The following LINGO1 variants were observed in gnomAD, a reference collection of about 807,000 sequenced individuals.
LINGO1 encodes the protein leucine-rich repeat and immunoglobulin-like domain-containing nogo receptor-interacting protein 1.
A neutral mutation model predicts 37.3 loss-of-function variants in LINGO1; 11 were observed. That is an observed-to-expected ratio of 0.29 (90% CI 0.19 to 0.49). The LOEUF (loss-of-function observed/expected upper bound fraction) is 0.49, where lower values mean the gene tolerates loss of function less well. Among genes scored for constraint, LINGO1 ranks in the 20% least tolerant of loss-of-function variants. LINGO1 has a pLI of 0.99. For missense variants in LINGO1, 585 were observed against 878.2 expected (o/e 0.67, Z 4.22); for synonymous variants, 387 against 403.0 (o/e 0.96, Z 0.48).
rs928582428 is a variant in LINGO1, at chr15:77,641,371, C to T, written c.-12-25471G>A. 4.5e-4 allele frequency among the ~76,000 whole-genome samples: 68 copies of T among 152,304 alleles called. 1 individual carries two copies. The highest frequency in any genetic ancestry group is 6.2e-4 in the South Asian group (3 of 4,828). On this transcript the variant is annotated intron_variant, in intron 3 of 3. Transcript: ENST00000559893. Reference sequence around the variant, plus strand: ...CGGTGCATGTAATTATGTGCAAAAACGAAGGAGGGCTCCTTAATAATTGAT... The same window carrying T: ...CGGTGCATGTAATTATGTGCAAAAATGAAGGAGGGCTCCTTAATAATTGAT...
chr15:77,768,937 C>G (rs2076556951), intron 1 of LINGO1, among the ~76,000 whole-genome samples: 1 of 152,232 alleles, frequency 6.6e-6, no homozygotes, highest in Non-Finnish European at 1.5e-5. Context: ...CAGCCCACTG[C>G]AGCCCCATCA....
intron 1 of LINGO1, among the ~76,000 whole-genome samples, chr15:77,797,842 G>C (rs1168887657): frequency 6.6e-6 from 1 of 152,258 alleles, no homozygotes; most frequent in Non-Finnish European, 1.5e-5. Context: ...GTCCCTCCCA[G>C]AATCAACATT....
chr15:77,618,981 A>G (rs1595987101), intron 1 of LINGO1, among the ~76,000 whole-genome samples: 1 of 152,172 alleles, frequency 6.6e-6, no homozygotes, highest in Admixed American at 6.5e-5. Context: ...CAGAAAAATT[A>G]TGCTACAAGA....
intron 1 of LINGO1, among the ~76,000 whole-genome samples, chr15:77,785,453 A>C (rs1411939269): frequency 6.6e-6 from 1 of 152,038 alleles, no homozygotes; most frequent in Non-Finnish European, 1.5e-5. Flanking sequence ...CCTATGCTAA[A>C]TCCTGCCCCT....
At chr15:77,718,415 C>T (rs1448151697) in intron 2 of LINGO1, among the ~76,000 whole-genome samples, 2 of 150,958 alleles carry the variant, frequency 1.3e-5, no homozygotes, top group African/African-American at 4.8e-5. Flanking sequence ...TATACACACA[C>T]GTGTCAACAT....
intron 3 of LINGO1, among the ~76,000 whole-genome samples, chr15:77,654,316 A>G (rs1349561940): frequency 6.6e-6 from 1 of 152,212 alleles, no homozygotes; most frequent in East Asian, 1.9e-4. Context: ...CTCCAGTGCC[A>G]CTATTTTCTG....
At chr15:77,765,059 A>T (rs60602435) in intron 1 of LINGO1, among the ~76,000 whole-genome samples, 1 of 152,154 alleles carries the variant, frequency 6.6e-6, no homozygotes, top group African/African-American at 2.4e-5. Context: ...AAAGAAGAGG[A>T]AACAGCAACA....
At chr15:77,808,711 ATC>A (rs1488571680) in intron 1 of LINGO1, among the ~76,000 whole-genome samples, 1 of 152,104 alleles carries the variant, frequency 6.6e-6, no homozygotes, top group African/African-American at 2.4e-5. Context: ...AAGTCCCTCA[ATC>A]TCTCTGAGCC....
At chr15:77,702,778 C>A (rs914318536) in intron 2 of LINGO1, among the ~76,000 whole-genome samples, 2 of 152,222 alleles carry the variant, frequency 1.3e-5, no homozygotes, top group African/African-American at 4.8e-5. Context: ...AATCCCTGAT[C>A]CTATCTAAAC....
chr15:77,816,195 T>C (rs905405619), intron 1 of LINGO1, among the ~76,000 whole-genome samples: 3 of 152,190 alleles, frequency 2.0e-5, no homozygotes, highest in Non-Finnish European at 2.9e-5. Context: ...TGGGTCCAAA[T>C]CTGTTTCCCC....
chr15:77,804,585 G>A (rs759538020), intron 1 of LINGO1, among the ~76,000 whole-genome samples: 43 of 152,168 alleles, frequency 2.8e-4, no homozygotes, highest in Non-Finnish European at 3.8e-4. Flanking sequence ...TCTTACACCC[G>A]GGGCTAGACA....
intron 1 of LINGO1, among the ~76,000 whole-genome samples, chr15:77,783,096 C>T (rs1445740041): frequency 6.6e-6 from 1 of 152,174 alleles, no homozygotes; most frequent in Non-Finnish European, 1.5e-5. Context: ...TCAGAGAGGC[C>T]TGCCTGGATG....
intron 2 of LINGO1, among the ~76,000 whole-genome samples, chr15:77,708,508 T>C (rs745766828): frequency 9.2e-5 from 14 of 152,234 alleles, no homozygotes; most frequent in African/African-American, 3.1e-4. Flanking sequence ...AACCTCAGAA[T>C]GTGACCTTAT....
rs540305846 is a variant in LINGO1, at chr15:77,754,945, G to A, written c.-256-19892C>T. Reference sequence around the variant, plus strand: ...CTCCAGCTCCCAACGCTGTTGTGAAGCTTGAGGCAGGCCATGCAGGTAAGA... The same window carrying A: ...CTCCAGCTCCCAACGCTGTTGTGAAACTTGAGGCAGGCCATGCAGGTAAGA... On this transcript the variant is annotated intron_variant, in intron 1 of 3. Transcript: ENST00000561686. Among the ~76,000 whole-genome samples, 16 of 152,374 alleles carry A rather than the reference G, an allele frequency of 1.1e-4. No homozygotes were observed. The South Asian group carries it at 2.3e-3, about 22-fold the overall frequency.
Position 77,614,495 on chromosome 15 carries a change from T to C in LINGO1, c.1412A>G (p.Asn471Ser), listed in dbSNP as rs1364512659. Residue 471 changes from asparagine to serine, a missense_variant, in exon 2 of 2, where the codon AAT (asparagine) becomes AGT (serine). Asn to Ser is a conservative substitution (Grantham distance 46, BLOSUM62 1). Transcript: ENST00000355300. ...PRKHLVSAKS[N>S]GRLTVFPDGT... is the part of the protein sequence containing the mutation. ...ATCAGGGAAGACTGTGAGCCGCCCATTGCTCTTGGCTGAGACCAGGTGCTT... is the reference window on the plus strand; with the variant it reads ...ATCAGGGAAGACTGTGAGCCGCCCACTGCTCTTGGCTGAGACCAGGTGCTT... 1.9e-6 allele frequency: 3 copies of C among 1,610,526 alleles called. No homozygotes were observed. Among genetic ancestry groups the C allele is most frequent in the Non-Finnish European group, 2.5e-6 (3 of 1,179,766 alleles).
chr15:77,784,188 G>A (rs1197799079), intron 1 of LINGO1, among the ~76,000 whole-genome samples: 1 of 152,244 alleles, frequency 6.6e-6, no homozygotes, highest in Non-Finnish European at 1.5e-5. Flanking sequence ...AAAAGGAAGA[G>A]TTGGTTCGCA....
In LINGO1 at chr15:77,678,495, T is replaced by C. The variant is rs564448900; in HGVS notation, c.-98-1321A>G. Among the ~76,000 whole-genome samples, 3 of 152,364 alleles carry C rather than the reference T, an allele frequency of 2.0e-5. No individual in the cohort carries two copies. In the East Asian group the frequency reaches 5.8e-4, roughly 29 times the overall value. Reference sequence around the variant, plus strand: ...CACTTCACATTTATTAATATCTGTGTTGCCTCTTGAATCAGAATGTCTTTC... The same window carrying C: ...CACTTCACATTTATTAATATCTGTGCTGCCTCTTGAATCAGAATGTCTTTC... On this transcript the variant is annotated intron_variant, in intron 2 of 3. Coordinates refer to the LINGO1 transcript ENST00000559893.
At chr15:77,646,758 G>A (rs1487423866) in intron 3 of LINGO1, among the ~76,000 whole-genome samples, 1 of 152,232 alleles carries the variant, frequency 6.6e-6, no homozygotes, top group Non-Finnish European at 1.5e-5. Context: ...TGACTGGACG[G>A]GATTAGCTGA....
At chr15:77,702,313 C>T (rs892413363) in intron 2 of LINGO1, among the ~76,000 whole-genome samples, 6 of 152,142 alleles carry the variant, frequency 3.9e-5, no homozygotes, top group South Asian at 2.1e-4. Context: ...CTGCATCAGG[C>T]GGGTGGAAAG....
Sources: allele counts gnomAD v4.1 joint callset (sites outside exome capture counted in the v4.1 genomes callset), GRCh38; gene constraint gnomAD v4.1.1; transcripts MANE v1.5; gene names NCBI Gene and HGNC (gene_info 2026-07-23, HGNC 2026-07-21).